The following SGCZ variants were observed in gnomAD, a reference collection of about 807,000 sequenced individuals.
SGCZ encodes the protein sarcoglycan zeta, also known as zeta-sarcoglycan.
A neutral mutation model predicts 41.3 loss-of-function variants in SGCZ; 40 were observed. The observed-to-expected ratio is 0.97, with a 90% CI of 0.75 to 1.26. The LOEUF (loss-of-function observed/expected upper bound fraction) is 1.26. SGCZ is among the 50% of genes most tolerant of loss of function. SGCZ has a pLI of 0.00. For missense variants in SGCZ, 552 were observed against 369.8 expected, an observed-to-expected ratio of 1.49 and a Z score of -4.04; for synonymous variants, 206 against 137.5, an observed-to-expected ratio of 1.50 and a Z score of -3.49.
At chr8:14,967,789 G>GAC (rs1349736580) in intron 1 of SGCZ, among the ~76,000 whole-genome samples, 2 of 152,074 alleles carry the variant, frequency 1.3e-5, no homozygotes, top group African/African-American at 4.8e-5. Context: ...GAACAAAGTA[G>GAC]ACATTCAAGG....
chr8:14,767,518 G>A (rs1334608469), intron 1 of SGCZ, among the ~76,000 whole-genome samples: 2 of 152,178 alleles, frequency 1.3e-5, no homozygotes, highest in African/African-American at 4.8e-5. Context: ...GTAAGACCAA[G>A]GAATGTGATG....
intron 3 of SGCZ, among the ~76,000 whole-genome samples, chr8:14,243,201 T>A (rs888006420): frequency 6.6e-6 from 1 of 152,104 alleles, no homozygotes; most frequent in African/African-American, 2.4e-5. Context: ...GTGTAGATGA[T>A]GTGAATTTGG....
At chr8:14,566,626 T>G (rs987881084) in intron 1 of SGCZ, among the ~76,000 whole-genome samples, 2 of 152,250 alleles carry the variant, frequency 1.3e-5, no homozygotes, top group African/African-American at 2.4e-5. Flanking sequence ...CTTCTTCTTT[T>G]GTTTTACATG....
intron 5 of SGCZ, among the ~76,000 whole-genome samples, chr8:14,130,363 G>T (rs1025808474): frequency 6.7e-6 from 1 of 150,368 alleles, no homozygotes; most frequent in Non-Finnish European, 1.5e-5. Context: ...ATATATTATT[G>T]TCAAAAATAT....
At chr8:14,144,015 T>G (rs1346541394) in intron 5 of SGCZ, among the ~76,000 whole-genome samples, 1 of 152,110 alleles carries the variant, frequency 6.6e-6, no homozygotes, top group African/African-American at 2.4e-5. Context: ...AGGGATACAG[T>G]GCTCTGTGTC....
At chr8:15,205,345 G>C (rs1053007681) in intron 1 of SGCZ, among the ~76,000 whole-genome samples, 1 of 152,120 alleles carries the variant, frequency 6.6e-6, no homozygotes, top group Non-Finnish European at 1.5e-5. Context: ...GAAAATATTT[G>C]CAAACTATGC....
At chr8:14,643,784 C>T (rs535334275) in intron 1 of SGCZ, among the ~76,000 whole-genome samples, 6 of 151,812 alleles carry the variant, frequency 4.0e-5, no homozygotes, top group Middle Eastern at 3.4e-3. Flanking sequence ...CTCCTTCAAA[C>T]AAGTCACATC....
At chr8:15,001,991 T>C (rs911919161) in intron 1 of SGCZ, among the ~76,000 whole-genome samples, 4 of 152,134 alleles carry the variant, frequency 2.6e-5, no homozygotes, top group Admixed American at 6.5e-5. Context: ...GAATTCTGCG[T>C]GCTTGAGGAG....
At chr8:14,837,305 G>C (rs1036346857) in intron 1 of SGCZ, among the ~76,000 whole-genome samples, 2 of 152,176 alleles carry the variant, frequency 1.3e-5, no homozygotes, top group Admixed American at 6.5e-5. Flanking sequence ...TCCATGAAAA[G>C]GTCTGAGAAA....
chr8:14,695,011 G>A, intron 1 of SGCZ, among the ~76,000 whole-genome samples: 1 of 152,066 alleles, frequency 6.6e-6, no homozygotes, highest in East Asian at 1.9e-4. Context: ...ATATGACAAG[G>A]GATAAAAGAG....
intron 1 of SGCZ, among the ~76,000 whole-genome samples, chr8:15,231,313 A>C (rs1198805404): frequency 2.0e-5 from 3 of 152,232 alleles, no homozygotes; most frequent in Non-Finnish European, 4.4e-5. Flanking sequence ...GCAAAGTGGT[A>C]TAAAGTTTTC....
intron 5 of SGCZ, among the ~76,000 whole-genome samples, chr8:14,109,588 CTG>C (rs1802313552): frequency 6.6e-6 from 1 of 151,998 alleles, no homozygotes; most frequent in Non-Finnish European, 1.5e-5. Flanking sequence ...CAAAACAAAT[CTG>C]TTTTTGTCTA....
intron 3 of SGCZ, among the ~76,000 whole-genome samples, chr8:14,318,803 A>G (rs990409079): frequency 6.6e-6 from 1 of 151,958 alleles, no homozygotes; most frequent in African/African-American, 2.4e-5. Flanking sequence ...GGAATAATCA[A>G]ACTAAGTAAG....
At chr8:14,963,139 C>T (rs1473041604) in intron 1 of SGCZ, among the ~76,000 whole-genome samples, 3 of 152,098 alleles carry the variant, frequency 2.0e-5, no homozygotes, top group Admixed American at 6.5e-5. Context: ...ATGAGTATCA[C>T]GGTTAATACT....
intron 1 of SGCZ, among the ~76,000 whole-genome samples, chr8:14,714,031 G>A (rs1228842157): frequency 1.3e-5 from 2 of 152,006 alleles, no homozygotes; most frequent in Non-Finnish European, 2.9e-5. Context: ...GCAATGGTGC[G>A]ATCTCAGCTC....
intron 1 of SGCZ, among the ~76,000 whole-genome samples, chr8:14,906,512 T>C (rs939149144): frequency 9.9e-5 from 15 of 152,216 alleles, no homozygotes; most frequent in African/African-American, 3.6e-4. Context: ...ATATTTTTTC[T>C]TTTCTACAAA....
At chr8:14,143,312 A>C (rs1160558271) in intron 5 of SGCZ, among the ~76,000 whole-genome samples, 3 of 152,216 alleles carry the variant, frequency 2.0e-5, no homozygotes, top group African/African-American at 7.2e-5. Flanking sequence ...TTGGATTTCT[A>C]ACCATTTTTG....
intron 1 of SGCZ, among the ~76,000 whole-genome samples, chr8:15,231,887 G>A (rs544302977): frequency 1.3e-5 from 2 of 152,216 alleles, no homozygotes; most frequent in South Asian, 2.1e-4. Context: ...CTTCCAAAGT[G>A]TTGGGATTAC....
intron 3 of SGCZ, among the ~76,000 whole-genome samples, chr8:14,320,614 C>T (rs986791067): frequency 1.3e-5 from 2 of 152,070 alleles, no homozygotes; most frequent in African/African-American, 4.8e-5. Flanking sequence ...GTTAACATCA[C>T]AGTGAAAGGG....
Sources: gnomAD v4.1 joint callset for allele counts (sites outside exome capture counted in the v4.1 genomes callset) on GRCh38, gnomAD v4.1.1 for gene constraint, MANE v1.5 for transcripts, NCBI Gene and HGNC (gene_info 2026-07-23, HGNC 2026-07-21) for gene names.